FSIP2: variants seen among roughly 807,000 people sequenced by gnomAD.
FSIP2 encodes the protein fibrous sheath-interacting protein 2.
In FSIP2, 367 loss-of-function variants were observed where a neutral mutation model predicts 510.5. That is an observed-to-expected ratio of 0.72 (90% CI 0.66 to 0.78). FSIP2 has a LOEUF of 0.78. Ranked by LOEUF, FSIP2 falls within the 30% of genes least tolerant of loss-of-function variation. The probability of loss-of-function intolerance (pLI) is 0.00; values close to 1 mark genes in which losing one functional copy is unlikely to be tolerated. For missense variants in FSIP2, 7,594 were observed against 7,901.7 expected, an observed-to-expected ratio of 0.96 and a Z score of 1.48; for synonymous variants, 2,601 against 2,732.2, an observed-to-expected ratio of 0.95 and a Z score of 1.50.
chr2:185,766,722 A>G (rs1311096572), intron 13 of FSIP2, among the ~76,000 whole-genome samples: 2 of 150,160 alleles, frequency 1.3e-5, no homozygotes, highest in African/African-American at 4.9e-5. Context: ...TGTTGGTGGG[A>G]CTGTAAACTA....
At chr2:185,747,277 C>A in intron 6 of FSIP2, 36 bp from the exon 7 acceptor site, 1 of 1,138,098 alleles carries the variant, frequency 8.8e-7, no homozygotes, top group Non-Finnish European at 1.3e-6. Flanking sequence ...TTGTGAAAGG[C>A]ACACACACCA....
intron 9 of FSIP2, 33 bp from the exon 10 acceptor site, chr2:185,760,955 A>C: frequency 2.3e-6 from 2 of 873,510 alleles, no homozygotes; most frequent in Non-Finnish European, 3.4e-6. Context: ...AAAAAAAAAA[A>C]AACTATAGAG....
In FSIP2 at chr2:185,796,708, G is replaced by C; in HGVS notation, c.9572G>C (p.Cys3191Ser). 2.6e-6 allele frequency: 4 copies of C among 1,535,072 alleles called. No individual in the cohort carries two copies. In the East Asian group the frequency reaches 9.8e-5, roughly 38 times the overall value. ...GTGAGTAAAACTGGGTTTGTGTTTTGTTCAGATGAAGATATGAAAGAAAAG... is the reference window on the plus strand; with the variant it reads ...GTGAGTAAAACTGGGTTTGTGTTTTCTTCAGATGAAGATATGAAAGAAAAG... ...SQVSKTGFVF[C>S]SDEDMKEKYR... The change falls in exon 16 of 23, where the codon TGT (cysteine) becomes TCT (serine). Residue 3191 changes from cysteine to serine, a missense_variant. Physicochemically the swap from Cys to Ser is moderately radical, Grantham distance 112. Transcript: ENST00000424728.
rs1311628375 is a variant in FSIP2, at chr2:185,804,885, C to T, written c.15579C>T (p.Ser5193=). 2 of 1,524,350 alleles carry T rather than the reference C, an allele frequency of 1.3e-6. No homozygotes were observed. Among genetic ancestry groups the T allele is most frequent in the Non-Finnish European group, 1.8e-6 (2 of 1,142,180 alleles). 94.4% of individuals were successfully genotyped at this position (1,524,350 alleles called of 1,614,324 possible). Residue 5193 remains serine, a synonymous_variant, in exon 17 of 23, where the codon TCC becomes TCT. Coordinates refer to ENST00000424728, the MANE Select transcript of FSIP2 (RefSeq NM_173651.4). ...AACCTATTGAAAATTTGGTCGACTCCATATGTAATAATATTTTGAAAACAT... is the reference window on the plus strand; with the variant it reads ...AACCTATTGAAAATTTGGTCGACTCTATATGTAATAATATTTTGAAAACAT... ...QLEPIENLVD[S]ICNNILKTSE...
chr2:185,808,849 G>A lies in FSIP2; in HGVS notation c.19543G>A (p.Glu6515Lys), dbSNP rs745969160. The change falls in exon 17 of 23, where the codon GAG becomes AAG. Residue 6515 changes from glutamate (E) to lysine (K), a missense_variant. Transcript: ENST00000424728. ...QEKLDQNLSEEESPIKIVPHV... is the reference protein window; with the variant it reads ...QEKLDQNLSEKESPIKIVPHV... ...AAAGTTAGATCAAAATTTATCTGAA[G>A]AGGAATCTCCAATTAAAATAGTTCC... The A allele has an allele frequency of 6.8e-6, 11 of 1,611,962 alleles. No individual in the cohort carries two copies. In the South Asian group the frequency reaches 8.8e-5, roughly 13 times the overall value.
rs1693463355 is a variant in FSIP2, at chr2:185,802,464, G to A, written c.13158G>A (p.Gly4386=). 2 of 1,533,618 alleles carry A rather than the reference G, an allele frequency of 1.3e-6. No individual in the cohort carries two copies. The highest frequency in any genetic ancestry group is 1.7e-6 in the Non-Finnish European group (2 of 1,145,208). The change falls in exon 17 of 23, where the codon GGG becomes GGA. Residue 4386 remains glycine (G), a synonymous_variant. Coordinates refer to ENST00000424728, the MANE Select transcript of FSIP2 (RefSeq NM_173651.4). ...ATAGAAATGCTTTAAAGCAGCATGG[G>A]CTAGACCTTGCTGTTGATAAAGAGT... ...SVYRNALKQH[G]LDLAVDKESE... is the part of the protein sequence containing the mutation.
intron 20 of FSIP2, among the ~76,000 whole-genome samples, chr2:185,825,777 T>A (rs1694004289): frequency 6.6e-6 from 1 of 151,804 alleles, no homozygotes; most frequent in Non-Finnish European, 1.5e-5. Context: ...AGATCCCATG[T>A]CTGAACAAGA....
intron 9 of FSIP2, among the ~76,000 whole-genome samples, chr2:185,759,731 G>T (rs1692313785): frequency 6.7e-6 from 1 of 148,468 alleles, no homozygotes; most frequent in East Asian, 2.0e-4. Context: ...GGAATTGAAC[G>T]AATTTTTAAT....
intron 13 of FSIP2, among the ~76,000 whole-genome samples, chr2:185,768,487 C>T (rs1692541552): frequency 1.3e-5 from 2 of 151,882 alleles, no homozygotes; most frequent in Non-Finnish European, 2.9e-5. Flanking sequence ...GTGGACATAC[C>T]GTTTTCCCAA....
intron 14 of FSIP2, among the ~76,000 whole-genome samples, chr2:185,785,240 G>T (rs573007447): frequency 6.6e-6 from 1 of 152,172 alleles, no homozygotes; most frequent in South Asian, 2.1e-4. Context: ...AAATGATAGA[G>T]AACATGTCAC....
At chr2:185,777,791 G>A (rs1692759788) in intron 13 of FSIP2, among the ~76,000 whole-genome samples, 1 of 152,146 alleles carries the variant, frequency 6.6e-6, no homozygotes, top group East Asian at 1.9e-4. Flanking sequence ...CTAGGTTCTT[G>A]AGAGAGGTTG....
rs777095541 is a variant in FSIP2, at chr2:185,739,044, C to G, written c.99+51C>G. 199 of 1,505,682 alleles carry G rather than the reference C, an allele frequency of 1.3e-4. No homozygotes were observed. In the African/African-American group the frequency reaches 1.7e-3, roughly 13 times the overall value. The allele number at this position is 1,505,682 out of a possible 1,614,324, so 93.3% of individuals were successfully genotyped here. On this transcript the variant is annotated intron_variant, in intron 1 of 22. Transcript: ENST00000424728. ...TCGCCCTCTGGCGGCCGCAGGCCTG[C>G]TGGGGAGCGGGGCAGGGATCGCCAC...
rs12999160 is a variant in FSIP2, at chr2:185,796,840, G to A, written c.9704G>A (p.Cys3235Tyr). 0.074 allele frequency: 114,354 copies of A among 1,535,016 alleles called. 4,877 individuals carry two copies. Among genetic ancestry groups the A allele is most frequent in the Middle Eastern group, 0.11 (650 of 5,984 alleles). ...CCTGATTCAGAAACTATGCCATCGT[G>A]TTCTACTAGAAACAAAGTACAAGAC... ...KRPDSETMPSCSTRNKVQDHR... is the reference protein window; with the variant it reads ...KRPDSETMPSYSTRNKVQDHR... The change falls in exon 16 of 23, where the codon TGT becomes TAT. Residue 3235 changes from cysteine to tyrosine, a missense_variant. Physicochemically the swap from Cys to Tyr is radical, Grantham distance 194. Transcript: ENST00000424728.
Position 185,807,070 on chromosome 2 carries a change from T to G in FSIP2, c.17764T>G (p.Cys5922Gly). The change falls in exon 17 of 23, where the codon TGT (cysteine) becomes GGT (glycine). Residue 5922 changes from cysteine (C) to glycine (G), a missense_variant. Transcript: ENST00000424728. Reference sequence around the variant, plus strand: ...CAATAAAGTTGTTCACTCCTCTGTTTGTAATATTTTAAATGACTATGGATC... The same window carrying G: ...CAATAAAGTTGTTCACTCCTCTGTTGGTAATATTTTAAATGACTATGGATC... ...LVNKVVHSSVCNILNDYGSQD... is the reference protein window; with the variant it reads ...LVNKVVHSSVGNILNDYGSQD... 6.3e-7 allele frequency: 1 copy of G among 1,590,366 alleles called. No individual in the cohort carries two copies. Among genetic ancestry groups the G allele is most frequent in the Non-Finnish European group, 8.5e-7 (1 of 1,172,116 alleles).
chr2:185,767,955 A>G (rs1692528135), intron 13 of FSIP2, among the ~76,000 whole-genome samples: 1 of 152,146 alleles, frequency 6.6e-6, no homozygotes, highest in Non-Finnish European at 1.5e-5. Context: ...ACTGTTTTCT[A>G]CAATGTCTGT....
At chr2:185,759,279 C>T (rs111535156) in intron 9 of FSIP2, among the ~76,000 whole-genome samples, 7 of 150,476 alleles carry the variant, frequency 4.7e-5, no homozygotes, top group African/African-American at 1.7e-4. Flanking sequence ...CATAATCACA[C>T]GAATCTGCTC....
chr2:185,780,034 C>G (rs1692811101), intron 13 of FSIP2, among the ~76,000 whole-genome samples: 1 of 149,690 alleles, frequency 6.7e-6, no homozygotes. Flanking sequence ...GAGCGTGCCA[C>G]TGCACTCCAG....
In FSIP2 at chr2:185,746,795, T is replaced by C. The variant is rs1388053961; in HGVS notation, c.744T>C (p.Arg248=). The change falls in exon 6 of 23, where the codon CGT becomes CGC. Residue 248 remains arginine, a synonymous_variant. Transcript: ENST00000424728. ...ACACAAGAAGAAAACTTACTCTTCGTAGAAAAATAGAAGAGGTGAGAGACA... is the reference window on the plus strand; with the variant it reads ...ACACAAGAAGAAAACTTACTCTTCGCAGAAAAATAGAAGAGGTGAGAGACA... The part of the protein sequence containing the change: ...REHTRRKLTL[R]RKIEEEWKTK... 6.6e-7 allele frequency: 1 copy of C among 1,514,988 alleles called. No homozygotes were observed. The highest frequency in any genetic ancestry group is 2.2e-5 in the Admixed American group (1 of 45,336). The allele number at this position is 1,514,988 out of a possible 1,614,324, so 93.8% of individuals were successfully genotyped here. A position where few individuals can be genotyped will look rare whatever the true frequency, so the allele number is the denominator to read the frequency against.
chr2:185,767,852 A>G (rs1692524903), intron 13 of FSIP2, among the ~76,000 whole-genome samples: 1 of 152,170 alleles, frequency 6.6e-6, no homozygotes, highest in South Asian at 2.1e-4. Context: ...TACTGAAAAC[A>G]TAACGAAAAC....
Sources: gnomAD v4.1 joint callset for allele counts (sites outside exome capture counted in the v4.1 genomes callset) on GRCh38, gnomAD v4.1.1 for gene constraint, MANE v1.5 for transcripts, NCBI Gene and HGNC (gene_info 2026-07-23, HGNC 2026-07-21) for gene names.